RABGAP1: variants seen among roughly 807,000 people sequenced by gnomAD.
RABGAP1 encodes the protein rab GTPase-activating protein 1.
Under a neutral mutation model 137.6 loss-of-function variants are expected in RABGAP1, and 23 were observed. That is an observed-to-expected ratio of 0.17 (90% CI 0.12 to 0.24). RABGAP1 has a LOEUF of 0.24. RABGAP1 is among the 10% of genes least tolerant of loss of function. The pLI, the probability that RABGAP1 is intolerant of heterozygous loss-of-function variation, is 1.00. For missense variants in RABGAP1, 906 were observed against 1,275.8 expected, an observed-to-expected ratio of 0.71 and a Z score of 4.42; for synonymous variants, 451 against 450.7, an observed-to-expected ratio of 1.00 and a Z score of -0.01.
At chr9:122,957,975 A>C (rs1213528103) in intron 2 of RABGAP1, among the ~76,000 whole-genome samples, 1 of 151,118 alleles carries the variant, frequency 6.6e-6, no homozygotes, top group East Asian at 1.9e-4. Context: ...TCTCCCTGGC[A>C]GGTCACAGAG....
intron 3 of RABGAP1, among the ~76,000 whole-genome samples, chr9:122,985,145 A>G (rs1258906383): frequency 6.6e-6 from 1 of 152,328 alleles, no homozygotes; most frequent in East Asian, 1.9e-4. Context: ...AGACTAGAAC[A>G]TGGGACAGAA....
chr9:123,019,494 T>C (rs1382092050), intron 12 of RABGAP1, among the ~76,000 whole-genome samples: 1 of 152,064 alleles, frequency 6.6e-6, no homozygotes, highest in Non-Finnish European at 1.5e-5. Context: ...TTTATTTTTC[T>C]GTAGACACGG....
chr9:122,960,860 G>C (rs7038112), intron 2 of RABGAP1, among the ~76,000 whole-genome samples: 1 of 152,022 alleles, frequency 6.6e-6, no homozygotes, highest in Non-Finnish European at 1.5e-5. Flanking sequence ...TGGAAATTCT[G>C]GAATGGAACA....
chr9:122,934,370 G>T, the RABGAP1 span, among the ~76,000 whole-genome samples: 2 of 151,936 alleles, frequency 1.3e-5, no homozygotes, highest in African/African-American at 4.8e-5. Context: ...GAGCCACCAC[G>T]CCCGGCCTCT....
At chr9:122,976,087 A>G (rs752472196) in intron 2 of RABGAP1, among the ~76,000 whole-genome samples, 12 of 152,148 alleles carry the variant, frequency 7.9e-5, no homozygotes, top group Non-Finnish European at 1.8e-4. Context: ...AGTTTTTTTT[A>G]GTACCACCCT....
chr9:122,951,204 G>C (rs1208260904), intron 1 of RABGAP1, among the ~76,000 whole-genome samples: 2 of 152,128 alleles, frequency 1.3e-5, no homozygotes, highest in East Asian at 3.9e-4. Context: ...CCAAGCTTTG[G>C]ATGAGGCACT....
At chr9:123,086,755 A>G (rs1395385876) in intron 19 of RABGAP1, among the ~76,000 whole-genome samples, 5 of 152,162 alleles carry the variant, frequency 3.3e-5, no homozygotes, top group Non-Finnish European at 7.3e-5. Flanking sequence ...GAAGACTGGG[A>G]AAAGACTGAG....
At chr9:123,035,709 C>T in intron 13 of RABGAP1, 1 of 811,602 alleles carries the variant, frequency 1.2e-6, no homozygotes, top group Admixed American at 2.5e-5. Context: ...ATTCCTAATT[C>T]ACTAGGAAAT....
At chr9:123,069,112 G>C (rs1462970565) in intron 14 of RABGAP1, among the ~76,000 whole-genome samples, 1 of 152,136 alleles carries the variant, frequency 6.6e-6, no homozygotes, top group African/African-American at 2.4e-5. Flanking sequence ...AAACCATGAA[G>C]AATGTTAGAT....
chr9:123,066,987 C>T (rs1021480109), intron 14 of RABGAP1, among the ~76,000 whole-genome samples: 1 of 151,918 alleles, frequency 6.6e-6, no homozygotes, highest in Non-Finnish European at 1.5e-5. Context: ...TACTTTAAAA[C>T]AAATCTTAGA....
chr9:123,096,935 AAT>A (rs1219070210), intron 21 of RABGAP1, among the ~76,000 whole-genome samples: 1 of 152,202 alleles, frequency 6.6e-6, no homozygotes, highest in African/African-American at 2.4e-5. Flanking sequence ...CAGGAAAGGA[AAT>A]AGAGTATAGT....
chr9:123,013,764 G>A (rs1264219824), intron 11 of RABGAP1, among the ~76,000 whole-genome samples: 3 of 152,186 alleles, frequency 2.0e-5, no homozygotes, highest in Non-Finnish European at 4.4e-5. Context: ...TCAATAAGAA[G>A]TATCACAGAT....
chr9:122,970,139 C>G (rs1374530032), intron 2 of RABGAP1, among the ~76,000 whole-genome samples: 1 of 150,276 alleles, frequency 6.7e-6, no homozygotes, highest in African/African-American at 2.4e-5. Context: ...GTCTTGAACT[C>G]TTGGCCTCAA....
At chr9:122,945,163 T>TTTTTTTTTTTTTTTTTTTTTTTC (rs1833881317) in intron 1 of RABGAP1, among the ~76,000 whole-genome samples, 1 of 144,132 alleles carries the variant, frequency 6.9e-6, no homozygotes, top group Non-Finnish European at 1.5e-5. Context: ...TTTTTTTTTT[T>TTTTTTTTTTTTTTTTTTTTTTTC]AGCATAAACT....
intron 2 of RABGAP1, among the ~76,000 whole-genome samples, chr9:122,969,726 G>A (rs1333912343): frequency 8.8e-6 from 1 of 113,810 alleles, no homozygotes; most frequent in African/African-American, 2.9e-5. Context: ...GTATAATATG[G>A]AATTTAAAAC....
chr9:123,018,662 A>G (rs2031409903), intron 12 of RABGAP1, among the ~76,000 whole-genome samples: 1 of 152,242 alleles, frequency 6.6e-6, no homozygotes, highest in African/African-American at 2.4e-5. Flanking sequence ...TAATGTTTTT[A>G]TCTAAACAAG....
At chr9:123,101,457 G>C (rs1051235840) in intron 24 of RABGAP1, 109 bp from the exon 25 acceptor site, 2 of 1,064,850 alleles carry the variant, frequency 1.9e-6, no homozygotes, top group Admixed American at 6.3e-5. Context: ...AGAAACTGTA[G>C]TGCTCAACAG....
intron 1 of RABGAP1, among the ~76,000 whole-genome samples, chr9:122,954,815 A>G (rs1214542429): frequency 1.3e-5 from 2 of 152,376 alleles, no homozygotes; most frequent in Non-Finnish European, 2.9e-5. Flanking sequence ...TTGGAGTCAG[A>G]TAACTGGGTT....
intron 2 of RABGAP1, among the ~76,000 whole-genome samples, chr9:122,978,295 C>T (rs1835870424): frequency 6.6e-6 from 1 of 152,072 alleles, no homozygotes; most frequent in South Asian, 2.1e-4. Flanking sequence ...TGTATGGCTT[C>T]TTTTACATAG....
Sources: allele counts gnomAD v4.1 joint callset (sites outside exome capture counted in the v4.1 genomes callset), GRCh38; gene constraint gnomAD v4.1.1; transcripts MANE v1.5; gene names NCBI Gene and HGNC (gene_info 2026-07-23, HGNC 2026-07-21).